CTNNA2: variants seen among roughly 807,000 people sequenced by gnomAD.
CTNNA2 encodes catenin alpha-2.
In CTNNA2, 42 loss-of-function variants were observed where a neutral mutation model predicts 101.0. That is an observed-to-expected ratio of 0.42 (90% CI 0.32 to 0.54). The LOEUF (loss-of-function observed/expected upper bound fraction) is 0.54. Among genes scored for constraint, CTNNA2 ranks in the 20% least tolerant of loss-of-function variants. The probability of loss-of-function intolerance (pLI) is 0.14; values close to 1 mark genes in which losing one functional copy is unlikely to be tolerated. For synonymous variants in CTNNA2, 450 were observed against 456.4 expected, an observed-to-expected ratio of 0.99 and a Z score of 0.18; for missense variants, 871 against 1,223.1, an observed-to-expected ratio of 0.71 and a Z score of 4.29.
At chr2:80,606,015 A>G (rs1697972059) in intron 16 of CTNNA2, among the ~76,000 whole-genome samples, 1 of 151,794 alleles carries the variant, frequency 6.6e-6, no homozygotes, top group African/African-American at 2.4e-5. Flanking sequence ...GAGGGAAGAG[A>G]CAATGAATTT....
intron 4 of CTNNA2, among the ~76,000 whole-genome samples, chr2:79,465,358 C>A (rs1346109101): frequency 6.6e-6 from 1 of 152,150 alleles, no homozygotes; most frequent in African/African-American, 2.4e-5. Flanking sequence ...TGTTTTGGTA[C>A]CAGTACCATG....
intron 2 of CTNNA2, among the ~76,000 whole-genome samples, chr2:79,222,937 A>G (rs892252006): frequency 3.3e-5 from 5 of 151,966 alleles, no homozygotes; most frequent in Admixed American, 3.3e-4. Flanking sequence ...TGCTGAGTCC[A>G]GTGTTTGAGG....
intron 12 of CTNNA2, among the ~76,000 whole-genome samples, chr2:80,559,166 A>G (rs1428799169): frequency 6.6e-6 from 1 of 152,206 alleles, no homozygotes; most frequent in Non-Finnish European, 1.5e-5. Flanking sequence ...AAAGTAAAGA[A>G]ATAACCCAAA....
intron 6 of CTNNA2, among the ~76,000 whole-genome samples, chr2:79,887,957 A>G (rs1245274453): frequency 6.6e-6 from 1 of 152,202 alleles, no homozygotes; most frequent in Non-Finnish European, 1.5e-5. Context: ...CAAACAAAGC[A>G]TTAAGAAACA....
At chr2:80,083,931 T>A (rs1424158856) in intron 7 of CTNNA2, among the ~76,000 whole-genome samples, 4 of 152,126 alleles carry the variant, frequency 2.6e-5, no homozygotes, top group African/African-American at 9.7e-5. Context: ...TAGTAAATGC[T>A]AGCTCGGTGG....
At chr2:80,220,202 A>G (rs928556240) in intron 7 of CTNNA2, among the ~76,000 whole-genome samples, 5 of 152,194 alleles carry the variant, frequency 3.3e-5, no homozygotes. Context: ...TCTGCCATAG[A>G]CATACTAATT....
intron 7 of CTNNA2, among the ~76,000 whole-genome samples, chr2:79,947,191 A>T (rs1434102): frequency 0.013 from 1,956 of 152,224 alleles, 109 homozygotes; most frequent in Admixed American, 0.097. Flanking sequence ...TCAGGAAAAC[A>T]TTTATTATCA....
intron 4 of CTNNA2, among the ~76,000 whole-genome samples, chr2:79,469,433 C>A (rs375408426): frequency 1.3e-5 from 2 of 152,118 alleles, no homozygotes; most frequent in African/African-American, 4.8e-5. Context: ...GATTCACAGC[C>A]GAATTCTACC....
chr2:79,306,302 C>A (rs761186855), intron 2 of CTNNA2, among the ~76,000 whole-genome samples: 2 of 151,998 alleles, frequency 1.3e-5, no homozygotes, highest in African/African-American at 2.4e-5. Context: ...TACATCATGA[C>A]AACTACAGTT....
At chr2:79,315,876 A>G (rs1461985871) in intron 3 of CTNNA2, among the ~76,000 whole-genome samples, 2 of 152,086 alleles carry the variant, frequency 1.3e-5, no homozygotes, top group Non-Finnish European at 2.9e-5. Flanking sequence ...TCCCACCAGC[A>G]ATTCATAAGG....
intron 16 of CTNNA2, among the ~76,000 whole-genome samples, chr2:80,606,776 A>G (rs763858499): frequency 6.6e-6 from 1 of 152,056 alleles, no homozygotes; most frequent in African/African-American, 2.4e-5. Flanking sequence ...TGCATGCCAT[A>G]TAAACTTTTT....
intron 7 of CTNNA2, among the ~76,000 whole-genome samples, chr2:80,295,353 C>T (rs1165669466): frequency 6.6e-6 from 1 of 152,028 alleles, no homozygotes; most frequent in East Asian, 1.9e-4. Context: ...TCTAAAAACC[C>T]AATTCTCCCA....
At chr2:80,482,453 C>T (rs1686223976) in intron 9 of CTNNA2, among the ~76,000 whole-genome samples, 2 of 152,138 alleles carry the variant, frequency 1.3e-5, no homozygotes, top group Non-Finnish European at 2.9e-5. Context: ...ATGAGACGGA[C>T]AGTCTGTCAC....
chr2:79,416,511 T>G (rs1317875538), intron 4 of CTNNA2, among the ~76,000 whole-genome samples: 3 of 152,058 alleles, frequency 2.0e-5, no homozygotes, highest in Non-Finnish European at 1.5e-5. Context: ...ATAATTTAAT[T>G]TAATAAAGCA....
intron 2 of CTNNA2, among the ~76,000 whole-genome samples, chr2:79,305,303 TACATATATATAC>T (rs924967710): frequency 6.0e-5 from 9 of 148,904 alleles, no homozygotes; most frequent in East Asian, 5.8e-4. Context: ...TGTATATATA[TACATATATATAC>T]ACATATATAT....
intron 3 of CTNNA2, among the ~76,000 whole-genome samples, chr2:79,371,254 C>T (rs1296151108): frequency 6.6e-6 from 1 of 151,868 alleles, no homozygotes; most frequent in Middle Eastern, 3.2e-3. Flanking sequence ...ATGGAAGGAG[C>T]ACTTCTCTCA....
chr2:79,858,616 G>T (rs1681334278), intron 4 of CTNNA2, among the ~76,000 whole-genome samples: 1 of 152,080 alleles, frequency 6.6e-6, no homozygotes, highest in Non-Finnish European at 1.5e-5. Context: ...AATATATTTT[G>T]CTATCTACTC....
intron 1 of CTNNA2, among the ~76,000 whole-genome samples, chr2:79,520,209 G>T (rs540060361): frequency 6.6e-6 from 1 of 152,188 alleles, no homozygotes; most frequent in African/African-American, 2.4e-5. Context: ...CCAGCAGTGC[G>T]ATCAAGATAC....
At chr2:80,217,427 C>G (rs1325209151) in intron 7 of CTNNA2, among the ~76,000 whole-genome samples, 1 of 152,076 alleles carries the variant, frequency 6.6e-6, no homozygotes, top group Non-Finnish European at 1.5e-5. Context: ...TCTAACCTCT[C>G]AAAGCCTCAG....
Sources: gnomAD v4.1 joint callset for allele counts (sites outside exome capture counted in the v4.1 genomes callset) on GRCh38, gnomAD v4.1.1 for gene constraint, MANE v1.5 for transcripts, NCBI Gene and HGNC (gene_info 2026-07-23, HGNC 2026-07-21) for gene names.